B4GALT5: variants seen among roughly 807,000 people sequenced by gnomAD.
The protein encoded by B4GALT5 is UDP-Gal:beta-GlcNAc beta-1,4-galactosyltransferase 5.
B4GALT5 carries 11 observed loss-of-function variants against 45.0 expected under a neutral mutation model. The ratio of observed to expected loss-of-function variants is 0.24; its 90% CI spans 0.15 to 0.40. The LOEUF (loss-of-function observed/expected upper bound fraction) is 0.40. Ranked by LOEUF, B4GALT5 falls within the 10% of genes least tolerant of loss-of-function variation. The pLI is 1.00. For synonymous variants in B4GALT5, 185 were observed against 182.9 expected, an observed-to-expected ratio of 1.01 and a Z score of -0.09; for missense variants, 337 against 500.2, an observed-to-expected ratio of 0.67 and a Z score of 3.11.
chr20:49,680,537 G>A (rs2085759620), intron 1 of B4GALT5, among the ~76,000 whole-genome samples: 1 of 152,178 alleles, frequency 6.6e-6, no homozygotes, highest in South Asian at 2.1e-4. Flanking sequence ...CCATTTATCT[G>A]AGGTACCCAG....
chr20:49,672,947 C>A (rs1382570373), intron 1 of B4GALT5, among the ~76,000 whole-genome samples: 1 of 152,190 alleles, frequency 6.6e-6, no homozygotes, highest in Non-Finnish European at 1.5e-5. Flanking sequence ...ATGGAGAGAT[C>A]AGATAGGTAC....
chr20:49,707,357 G>A lies in B4GALT5; in HGVS notation c.115+6219C>T, dbSNP rs2085888607. ...CTCAAATATGTGCGCAAGAGTGCATGTGGATTTGGAGCAAAAAAAAAAGGT... is the reference window on the plus strand; with the variant it reads ...CTCAAATATGTGCGCAAGAGTGCATATGGATTTGGAGCAAAAAAAAAAGGT... On this transcript the variant is annotated intron_variant, in intron 1 of 8. Transcript: ENST00000371711. Among the ~76,000 whole-genome samples, 9 of 151,768 alleles carry A rather than the reference G, an allele frequency of 5.9e-5. No individual in the cohort carries two copies. The South Asian group carries it at 1.9e-3, about 32-fold the overall frequency.
rs5841760 is a variant in B4GALT5, at chr20:49,636,907, G to GACACAC, written c.1019+428_1019+433dup. Among the ~76,000 whole-genome samples, 722 of 146,476 alleles carry GACACAC rather than the reference G, an allele frequency of 4.9e-3. 3 individuals carry two copies. The highest frequency in any genetic ancestry group is 7.2e-3 in the African/African-American group (286 of 39,486). On this transcript the variant is annotated intron_variant, in intron 8 of 8. Transcript: ENST00000371711. ...ACAGTCTTCCCCACAATTTAGAAAA[G>GACACAC]ACACACACACACACACACACACACA...
intron 1 of B4GALT5, among the ~76,000 whole-genome samples, chr20:49,701,331 GCTGATATCAGAAAA>G (rs1222278884): frequency 1.3e-5 from 2 of 151,962 alleles, no homozygotes; most frequent in African/African-American, 4.8e-5. Flanking sequence ...TTGCAGTTCA[GCTGATATCAGAAAA>G]AAAAATATGT....
At chr20:49,668,769 C>T (rs759457089) in intron 1 of B4GALT5, among the ~76,000 whole-genome samples, 7 of 152,106 alleles carry the variant, frequency 4.6e-5, no homozygotes, top group Non-Finnish European at 1.0e-4. Flanking sequence ...CCCACTCCAC[C>T]GACCAATCCC....
At chr20:49,679,269 G>A (rs971286280) in intron 1 of B4GALT5, among the ~76,000 whole-genome samples, 1 of 151,806 alleles carries the variant, frequency 6.6e-6, no homozygotes, top group African/African-American at 2.4e-5. Context: ...TTGCTGTTTC[G>A]TTGTTGTTGT....
At chr20:49,702,896 AGGCGCG>A (rs971163104) in intron 1 of B4GALT5, among the ~76,000 whole-genome samples, 2 of 150,540 alleles carry the variant, frequency 1.3e-5, no homozygotes, top group African/African-American at 4.9e-5. Flanking sequence ...ATTACTGGCC[AGGCGCG>A]GTGGCTCACG....
At chr20:49,679,381 C>T (rs145606432) in intron 1 of B4GALT5, among the ~76,000 whole-genome samples, 6 of 152,124 alleles carry the variant, frequency 3.9e-5, no homozygotes, top group Admixed American at 1.3e-4. Flanking sequence ...GTCTTTCCTA[C>T]AATACCGAAA....
chr20:49,712,934 C>T (rs941412128), intron 1 of B4GALT5, among the ~76,000 whole-genome samples: 105 of 150,966 alleles, frequency 7.0e-4, no homozygotes, highest in Admixed American at 2.2e-3. Flanking sequence ...GGGGTGCCAC[C>T]GGCAGGCAGA....
At chr20:49,638,477 C>T (rs2085563035) in intron 7 of B4GALT5, among the ~76,000 whole-genome samples, 1 of 152,184 alleles carries the variant, frequency 6.6e-6, no homozygotes, top group Non-Finnish European at 1.5e-5. Context: ...TTACTTTATT[C>T]CACTCACACA....
chr20:49,687,100 G>A (rs78060620), intron 1 of B4GALT5, among the ~76,000 whole-genome samples: 1,963 of 152,130 alleles, frequency 0.013, 37 homozygotes, highest in African/African-American at 0.045. Context: ...GGCATTTTTC[G>A]TTGTCACCAC....
chr20:49,633,107 A>G lies in B4GALT5; in HGVS notation c.*3205T>C, dbSNP rs551513291. 1 of 152,712 alleles carries G rather than the reference A, an allele frequency of 6.5e-6. No homozygotes were observed. Among genetic ancestry groups the G allele is most frequent in the East Asian group, 1.9e-4 (1 of 5,186 alleles). The allele number at this position is 152,712 out of a possible 1,614,324, so 9.5% of individuals were successfully genotyped here. Reference sequence around the variant, plus strand: ...TTCAGTGCAAAAATGTACCCCTGGCACCTCTTAAAACGTAAGAGCAAGCTC... The same window carrying G: ...TTCAGTGCAAAAATGTACCCCTGGCGCCTCTTAAAACGTAAGAGCAAGCTC... On this transcript the variant is annotated 3_prime_UTR_variant, in exon 9 of 9. Coordinates refer to ENST00000371711, the MANE Select transcript of B4GALT5 (RefSeq NM_004776.4).
rs757359416 is a variant in B4GALT5, at chr20:49,707,913, CT to C, written c.115+5662del. On this transcript the variant is annotated intron_variant, in intron 1 of 8. Transcript: ENST00000371711. Reference sequence around the variant, plus strand: ...AAAGGCATGAGCCACCTTGCCCAGCCTTTTTTTTTTTTTTTTGTCTAAAATC... The same window carrying C: ...AAAGGCATGAGCCACCTTGCCCAGCCTTTTTTTTTTTTTTTGTCTAAAATC... Among the ~76,000 whole-genome samples, 1,124 of 135,838 alleles carry C rather than the reference CT, an allele frequency of 8.3e-3. 1 individual carries two copies. Among genetic ancestry groups the C allele is most frequent in the Admixed American group, 0.013 (182 of 13,510 alleles). 89.1% of individuals were successfully genotyped at this position (135,838 alleles called of 152,430 possible).
At chr20:49,663,387 C>T (rs984032971) in intron 1 of B4GALT5, among the ~76,000 whole-genome samples, 4 of 150,994 alleles carry the variant, frequency 2.6e-5, no homozygotes, top group Non-Finnish European at 5.9e-5. Context: ...AATTGACTTC[C>T]AAGACATATT....
chr20:49,704,676 G>A (rs867803312), intron 1 of B4GALT5, among the ~76,000 whole-genome samples: 217 of 148,746 alleles, frequency 1.5e-3, no homozygotes, highest in African/African-American at 5.0e-3. Flanking sequence ...CCGAGATCCC[G>A]CCACTGCACT....
intron 1 of B4GALT5, among the ~76,000 whole-genome samples, chr20:49,664,730 C>T (rs1199164876): frequency 6.6e-6 from 1 of 152,046 alleles, no homozygotes; most frequent in African/African-American, 2.4e-5. Context: ...ATGCATAATG[C>T]GCTTATTCTC....
At chr20:49,668,595 T>TG (rs1601259181) in intron 1 of B4GALT5, among the ~76,000 whole-genome samples, 1 of 17,376 alleles carries the variant, frequency 5.8e-5, no homozygotes. Context: ...GGAGAATGGG[T>TG]GGGGGTGGGG....
In B4GALT5 at chr20:49,640,570, A is replaced by G. The variant is rs1286074552; in HGVS notation, c.702T>C (p.Asp234=). 2.5e-6 allele frequency: 4 copies of G among 1,614,074 alleles called. No individual in the cohort carries two copies. Among genetic ancestry groups the G allele is most frequent in the South Asian group, 1.1e-5 (1 of 91,040 alleles). The part of the protein sequence containing the change: ...DLDWDCLIFH[D]VDHIPESDRN... ...GATCACTTTCCGGTATGTGATCTAC[A>G]TCATGAAAAATCAAACAGTCCCAAT... is the stretch of plus-strand genomic sequence containing the variant. The change falls in exon 6 of 9, where the codon GAT becomes GAC. Residue 234 remains aspartate (D), a synonymous_variant. Transcript: ENST00000371711.
intron 1 of B4GALT5, among the ~76,000 whole-genome samples, chr20:49,675,104 G>C (rs1196131071): frequency 6.6e-6 from 1 of 152,192 alleles, no homozygotes; most frequent in Non-Finnish European, 1.5e-5. Context: ...CAGGGGAGGG[G>C]GACCAAACCC....
Sources: allele counts gnomAD v4.1 joint callset (sites outside exome capture counted in the v4.1 genomes callset), GRCh38; gene constraint gnomAD v4.1.1; transcripts MANE v1.5; gene names NCBI Gene and HGNC (gene_info 2026-07-23, HGNC 2026-07-21).